TVP23A: variants seen among roughly 807,000 people sequenced by gnomAD.
TVP23A encodes Golgi apparatus membrane protein TVP23 homolog A.
TVP23A carries 21 observed loss-of-function variants against 31.7 expected under a neutral mutation model. The ratio of observed to expected loss-of-function variants is 0.66; its 90% confidence interval spans 0.47 to 0.95. The LOEUF (loss-of-function observed/expected upper bound fraction) is 0.95. Ranked by LOEUF, TVP23A falls within the 40% of genes least tolerant of loss-of-function variation. The pLI is 0.00. For synonymous variants in TVP23A, 104 were observed against 96.0 expected (o/e 1.08, Z -0.49); for missense variants, 279 against 255.6 (o/e 1.09, Z -0.62).
chr16:10,768,982 C>A lies in TVP23A; in HGVS notation c.*120G>T, dbSNP rs1363411278. The A allele has an allele frequency of 1.9e-5, 28 of 1,463,158 alleles. 1 individual carries two copies. Among genetic ancestry groups the A allele is most frequent in the Non-Finnish European group, 2.5e-5 (26 of 1,044,336 alleles). The allele number at this position is 1,463,158 out of a possible 1,614,324, so 90.6% of individuals were successfully genotyped here. ...TGTCAAAACACAGCCCTCCCCAGCACAGGACAGGGCTGTCAAGGGGTAGAC... is the reference window on the plus strand; with the variant it reads ...TGTCAAAACACAGCCCTCCCCAGCAAAGGACAGGGCTGTCAAGGGGTAGAC... On this transcript the variant is annotated 3_prime_UTR_variant, in exon 8 of 8. Transcript: ENST00000299866. The surrounding 1 kb of genome is among the most constrained non-coding windows in gnomAD (Gnocchi z 4.3).
At chr16:10,775,746 T>C (rs985022937) in intron 2 of TVP23A, among the ~76,000 whole-genome samples, 2 of 65,654 alleles carry the variant, frequency 3.0e-5, no homozygotes, top group African/African-American at 1.5e-4. Context: ...TTGCTTTTCT[T>C]TTTTTTTTTT....
At chr16:10,796,150 C>G (rs2033375333) in intron 2 of TVP23A, among the ~76,000 whole-genome samples, 1 of 152,020 alleles carries the variant, frequency 6.6e-6, no homozygotes, top group African/African-American at 2.4e-5. Context: ...GAGTTTGAGA[C>G]CAACCTGGGC....
At position 10,779,062 on chromosome 16, in the gene TVP23A, A is replaced by G. The variant is rs2032262580; in HGVS notation, c.90-3966T>C. Among the ~76,000 whole-genome samples the G allele has an allele frequency of 6.6e-6, 1 of 152,140 alleles. No individual in the cohort carries two copies. The highest frequency in any genetic ancestry group is 2.4e-5 in the African/African-American group (1 of 41,430). On this transcript the variant is annotated intron_variant, in intron 2 of 7. Transcript: ENST00000299866. This position sits in a 1 kb window ranked among gnomAD's most constrained non-coding sequence, Gnocchi z 4.9. ...ATGCATTCGAATAAATCCCTTGCCC[A>G]CCCGCTTCTTTCTTTTTTCTTTTTG...
intron 2 of TVP23A, among the ~76,000 whole-genome samples, chr16:10,815,837 A>G (rs144847498): frequency 5.3e-4 from 80 of 152,322 alleles, no homozygotes; most frequent in African/African-American, 1.8e-3. Flanking sequence ...TTTACCCAGG[A>G]TTCCAGTTCT....
chr16:10,795,560 C>T (rs2033343208), intron 2 of TVP23A, among the ~76,000 whole-genome samples: 1 of 152,024 alleles, frequency 6.6e-6, no homozygotes, highest in Admixed American at 6.6e-5. Flanking sequence ...CTATCTGACA[C>T]TTAAGAAAAA....
At chr16:10,813,999 CAAAA>C (rs201277067) in intron 2 of TVP23A, among the ~76,000 whole-genome samples, 6 of 49,518 alleles carry the variant, frequency 1.2e-4, no homozygotes, top group African/African-American at 2.6e-4. Context: ...AACTCCATCT[CAAAA>C]AAAAAAAAAA....
chr16:10,806,171 C>G (rs990974292), intron 2 of TVP23A, among the ~76,000 whole-genome samples: 2 of 152,098 alleles, frequency 1.3e-5, no homozygotes, highest in Middle Eastern at 3.2e-3. Flanking sequence ...AGTGACTCCT[C>G]GTCTCTACTA....
chr16:10,813,411 GT>G (rs745636680), intron 2 of TVP23A, among the ~76,000 whole-genome samples: 1 of 152,236 alleles, frequency 6.6e-6, no homozygotes, highest in Non-Finnish European at 1.5e-5. Context: ...ACAAATAACT[GT>G]TTTCACTCTA....
At chr16:10,785,287 C>T (rs2032684155) in intron 2 of TVP23A, among the ~76,000 whole-genome samples, 1 of 151,974 alleles carries the variant, frequency 6.6e-6, no homozygotes, top group Admixed American at 6.6e-5. Context: ...GCCTGTAATC[C>T]CAGCTACTCA....
At chr16:10,797,907 T>G (rs2033479328) in intron 2 of TVP23A, among the ~76,000 whole-genome samples, 1 of 151,952 alleles carries the variant, frequency 6.6e-6, no homozygotes, top group Non-Finnish European at 1.5e-5. Flanking sequence ...ACTGTATTAT[T>G]CTATTTTGTA....
chr16:10,775,818 G>A (rs1463377240), intron 2 of TVP23A, among the ~76,000 whole-genome samples: 3 of 143,998 alleles, frequency 2.1e-5, no homozygotes, highest in Non-Finnish European at 3.0e-5. Flanking sequence ...GCGTGATCTC[G>A]GTTCACAGCA....
Position 10,787,798 on chromosome 16 carries a change from A to G in TVP23A, c.90-12702T>C, listed in dbSNP as rs571497993. On this transcript the variant is annotated intron_variant, in intron 2 of 7. Transcript: ENST00000299866. ...CTCCTCATATGTGTCAGTGTCCGTG[A>G]TCTTCTTGGCATGAGATGACAAACC... 1.8e-4 allele frequency among the ~76,000 whole-genome samples: 28 copies of G among 152,010 alleles called. No homozygotes were observed. The South Asian group carries it at 5.2e-3, about 28-fold the overall frequency.
At chr16:10,816,469 G>A (rs761463885) in intron 2 of TVP23A, among the ~76,000 whole-genome samples, 6 of 152,074 alleles carry the variant, frequency 3.9e-5, no homozygotes, top group Non-Finnish European at 8.8e-5. Flanking sequence ...GAGTGGCTGA[G>A]ATTACAGGTG....
At chr16:10,797,447 G>A (rs2033450531) in intron 2 of TVP23A, among the ~76,000 whole-genome samples, 2 of 151,996 alleles carry the variant, frequency 1.3e-5, no homozygotes, top group South Asian at 4.2e-4. Context: ...AGCTACTCGG[G>A]AGGCTGAGAC....
intron 2 of TVP23A, among the ~76,000 whole-genome samples, chr16:10,789,306 C>CA (rs1276716707): frequency 6.6e-6 from 1 of 152,066 alleles, no homozygotes; most frequent in Non-Finnish European, 1.5e-5. Context: ...AATTCCCCCC[C>CA]AAGAGACAGT....
At chr16:10,795,764 A>T (rs2033354453) in intron 2 of TVP23A, among the ~76,000 whole-genome samples, 1 of 152,156 alleles carries the variant, frequency 6.6e-6, no homozygotes, top group African/African-American at 2.4e-5. Flanking sequence ...TAGAGTCAGA[A>T]TGCCACCGCC....
At chr16:10,793,554 G>A (rs146499083) in intron 2 of TVP23A, among the ~76,000 whole-genome samples, 84 of 152,124 alleles carry the variant, frequency 5.5e-4, no homozygotes, top group African/African-American at 1.9e-3. Flanking sequence ...GGCCCATTTC[G>A]TGCTGCTGTA....
At position 10,779,946 on chromosome 16, in the gene TVP23A, G is replaced by A. The variant is rs1420074472; in HGVS notation, c.90-4850C>T. Among the ~76,000 whole-genome samples, 1 of 152,042 alleles carries A rather than the reference G, an allele frequency of 6.6e-6. No individual in the cohort carries two copies. The highest frequency in any genetic ancestry group is 1.5e-5 in the Non-Finnish European group (1 of 68,004). ...TCTAATAAAAATACAAAAATTAGCG[G>A]GTGTGGTGGTGCACGCCTATAATTC... On this transcript the variant is annotated intron_variant, in intron 2 of 7. Coordinates refer to ENST00000299866, the MANE Select transcript of TVP23A (RefSeq NM_001079512.4). This position sits in a 1 kb window ranked among gnomAD's most constrained non-coding sequence, Gnocchi z 4.9.
rs2031334064 is a variant in TVP23A at position 10,769,173 on chromosome 16, ACC to A, written c.*1-74_*1-73del. On this transcript the variant is annotated intron_variant, in intron 7 of 7. Transcript: ENST00000299866. ...CTCACTGGGCAGCACATCCAGCCAG[ACC>A]CGACCAGCTCCGGGATGGGGTGGGT... is the stretch of plus-strand genomic sequence containing the variant. 14 of 1,468,702 alleles carry A rather than the reference ACC, an allele frequency of 9.5e-6. No individual in the cohort carries two copies. The South Asian group carries it at 1.5e-4, about 16-fold the overall frequency. The allele number at this position is 1,468,702 out of a possible 1,614,324, so 91.0% of individuals were successfully genotyped here.
Sources: gnomAD v4.1 joint callset for allele counts (sites outside exome capture counted in the v4.1 genomes callset) on GRCh38, gnomAD v4.1.1 for gene constraint, Gnocchi (gnomAD v3.1) non-coding constraint, MANE v1.5 for transcripts, NCBI Gene and HGNC (gene_info 2026-07-23, HGNC 2026-07-21) for gene names.